MAGI2: variants seen among roughly 807,000 people sequenced by gnomAD.
MAGI2 encodes membrane associated guanylate kinase, WW and PDZ domain containing 2, also known as membrane-associated guanylate kinase, WW and PDZ domain-containing protein 2.
MAGI2 carries 35 observed loss-of-function variants against 133.3 expected under a neutral mutation model. The observed-to-expected ratio is 0.26, with a 90% CI of 0.20 to 0.35. The LOEUF is 0.35. MAGI2 is among the 10% of genes least tolerant of loss of function. The probability of loss-of-function intolerance (pLI) is 1.00; values close to 1 mark genes in which losing one functional copy is unlikely to be tolerated. For missense variants in MAGI2, 1,636 were observed against 1,863.4 expected, an observed-to-expected ratio of 0.88 and a Z score of 2.25; for synonymous variants, 729 against 710.6, an observed-to-expected ratio of 1.03 and a Z score of -0.41.
intron 1 of MAGI2, among the ~76,000 whole-genome samples, chr7:79,449,325 G>T (rs1849072110): frequency 6.6e-6 from 1 of 150,764 alleles, no homozygotes; most frequent in Admixed American, 6.6e-5. Context: ...GATTTATTTG[G>T]CCCATCTTCC....
Position 78,976,713 on chromosome 7 carries a change from C to CAA in MAGI2, c.418+30375_418+30376dup, listed in dbSNP as rs57312292. Among the ~76,000 whole-genome samples, 1,052 of 147,012 alleles carry CAA rather than the reference C, an allele frequency of 7.2e-3. 12 individuals are homozygous for CAA. The highest frequency in any genetic ancestry group is 0.025 in the African/African-American group (1,000 of 40,210). ...AAATGTAGAAACACCAAAAAAACTA[C>CAA]AAAAAAAAAACAAAAACAAAATAAA... On this transcript the variant is annotated intron_variant, in intron 2 of 21. Transcript: ENST00000354212.
chr7:78,786,881 C>G (rs1209677857), intron 2 of MAGI2, among the ~76,000 whole-genome samples: 3 of 152,068 alleles, frequency 2.0e-5, no homozygotes, highest in Non-Finnish European at 4.4e-5. Context: ...ATCTTTGGTG[C>G]CTAAAACAGT....
chr7:78,802,731 G>A (rs1262837414), intron 2 of MAGI2, among the ~76,000 whole-genome samples: 7 of 152,058 alleles, frequency 4.6e-5, no homozygotes, highest in Non-Finnish European at 8.8e-5. Flanking sequence ...TGAATGTACA[G>A]TATTAAAAGT....
rs35069216 is a variant in MAGI2, at chr7:78,564,783, C to CTTTTTTTTTTTTTTTTTTT, written c.539-43157_539-43139dup. Among the ~76,000 whole-genome samples, 4 of 64,318 alleles carry CTTTTTTTTTTTTTTTTTTT rather than the reference C, an allele frequency of 6.2e-5. 1 individual carries two copies. The highest frequency in any genetic ancestry group is 1.1e-4 in the Non-Finnish European group (4 of 36,136). The allele number at this position is 64,318 out of a possible 152,430, so 42.2% of individuals were successfully genotyped here. A position where few individuals can be genotyped will look rare whatever the true frequency, so the allele number is the denominator to read the frequency against. On this transcript the variant is annotated intron_variant, in intron 3 of 21. Transcript: ENST00000354212. ...TACTTCATCTCATCTCTTTGACATT[C>CTTTTTTTTTTTTTTTTTTT]TTTTTTTTTTTTTTTTTTTTTTTTT...
intron 16 of MAGI2, among the ~76,000 whole-genome samples, chr7:78,149,136 G>T (rs1262349969): frequency 6.6e-6 from 1 of 152,122 alleles, no homozygotes; most frequent in Non-Finnish European, 1.5e-5. Flanking sequence ...TAAATTCCGG[G>T]TCATGCCAGC....
intron 1 of MAGI2, among the ~76,000 whole-genome samples, chr7:79,381,329 AT>A (rs1563170859): frequency 2.6e-5 from 4 of 151,612 alleles, no homozygotes; most frequent in African/African-American, 9.7e-5. Flanking sequence ...CTCTTTTATT[AT>A]GAATCCCAAA....
chr7:78,666,339 T>G (rs1014639943), intron 2 of MAGI2, among the ~76,000 whole-genome samples: 3 of 152,182 alleles, frequency 2.0e-5, no homozygotes, highest in African/African-American at 7.2e-5. Flanking sequence ...GAAGTAAGAC[T>G]AGAACTGTGT....
chr7:78,621,411 T>C (rs542850137), intron 3 of MAGI2: 1 of 151,976 alleles, frequency 6.6e-6, no homozygotes, highest in Non-Finnish European at 1.5e-5. Context: ...ACAATAAAAT[T>C]CGTCAACTAA....
intron 1 of MAGI2, among the ~76,000 whole-genome samples, chr7:79,072,345 A>C (rs935831117): frequency 6.6e-6 from 1 of 152,184 alleles, no homozygotes; most frequent in Non-Finnish European, 1.5e-5. Context: ...TTAATTGGAG[A>C]TCTTGTATAG....
chr7:78,018,109 A>G lies in MAGI2; in HGVS notation c.*1206T>C, dbSNP rs1807937339. On this transcript the variant is annotated 3_prime_UTR_variant, in exon 22 of 22. Coordinates refer to ENST00000354212, the MANE Select transcript of MAGI2 (RefSeq NM_012301.4). ...CAATCATAGATCCATGAAGATAAAC[A>G]TCTAGAAGTTGCTAACAAAATAAAG... 6.6e-6 allele frequency: 1 copy of G among 152,294 alleles called. No homozygotes were observed. Among genetic ancestry groups the G allele is most frequent in the Non-Finnish European group, 1.5e-5 (1 of 68,042 alleles). The allele number at this position is 152,294 out of a possible 1,614,324, so 9.4% of individuals were successfully genotyped here.
At chr7:78,231,707 A>C (rs892088639) in intron 10 of MAGI2, among the ~76,000 whole-genome samples, 3 of 152,168 alleles carry the variant, frequency 2.0e-5, no homozygotes, top group Non-Finnish European at 4.4e-5. Flanking sequence ...TGAAGTAAAC[A>C]AGCTCTCTTT....
intron 2 of MAGI2, among the ~76,000 whole-genome samples, chr7:78,722,731 C>T (rs1485884992): frequency 6.6e-6 from 1 of 151,984 alleles, no homozygotes; most frequent in East Asian, 1.9e-4. Flanking sequence ...AATAATTTAA[C>T]ATGAATGATA....
chr7:78,888,408 T>G (rs1270557676), intron 2 of MAGI2, among the ~76,000 whole-genome samples: 1 of 152,156 alleles, frequency 6.6e-6, no homozygotes, highest in Admixed American at 6.5e-5. Context: ...CAGCTGGAGA[T>G]CTGAGAATGG....
intron 10 of MAGI2, among the ~76,000 whole-genome samples, chr7:78,224,643 GCAA>G (rs1217351795): frequency 6.6e-6 from 1 of 151,916 alleles, no homozygotes; most frequent in Non-Finnish European, 1.5e-5. Flanking sequence ...TCCAGCCTGG[GCAA>G]CAGAGTGAGA....
chr7:78,424,747 C>G (rs780696443), intron 6 of MAGI2, among the ~76,000 whole-genome samples: 3 of 152,162 alleles, frequency 2.0e-5, no homozygotes, highest in African/African-American at 2.4e-5. Flanking sequence ...TTTGACTACC[C>G]TGCTGGAATT....
chr7:78,407,907 G>A (rs973969359), intron 6 of MAGI2, among the ~76,000 whole-genome samples: 1 of 151,654 alleles, frequency 6.6e-6, no homozygotes, highest in African/African-American at 2.4e-5. Context: ...GATCATTTTT[G>A]TTACCAGACA....
In MAGI2 at chr7:79,438,323, T is replaced by C. The variant is rs79407020; in HGVS notation, c.301+14697A>G. 9.9e-4 allele frequency among the ~76,000 whole-genome samples: 150 copies of C among 152,174 alleles called. 2 individuals are homozygous for C. The East Asian group carries it at 0.024, about 25-fold the overall frequency. On this transcript the variant is annotated intron_variant, in intron 1 of 21. Coordinates refer to ENST00000354212, the MANE Select transcript of MAGI2 (RefSeq NM_012301.4). Reference sequence around the variant, plus strand: ...AAGAAAATCTCCTAAAAATATAAAATAGGCCATTTCTAACTTAATTTTGTC... The same window carrying C: ...AAGAAAATCTCCTAAAAATATAAAACAGGCCATTTCTAACTTAATTTTGTC...
chr7:79,180,990 G>T (rs1826566154), intron 1 of MAGI2, among the ~76,000 whole-genome samples: 1 of 151,966 alleles, frequency 6.6e-6, no homozygotes, highest in African/African-American at 2.4e-5. Flanking sequence ...GATGTAAGAG[G>T]TGAGTTCTCA....
intron 2 of MAGI2, among the ~76,000 whole-genome samples, chr7:78,644,324 C>G (rs1810617940): frequency 1.3e-5 from 2 of 151,962 alleles, no homozygotes; most frequent in South Asian, 4.2e-4. Flanking sequence ...CCAAATTAAC[C>G]TAATTGACAT....
Sources: allele counts gnomAD v4.1 joint callset (sites outside exome capture counted in the v4.1 genomes callset), GRCh38; gene constraint gnomAD v4.1.1; transcripts MANE v1.5; gene names NCBI Gene and HGNC (gene_info 2026-07-23, HGNC 2026-07-21).